RBBP5: variants seen among roughly 807,000 people sequenced by gnomAD.
RBBP5 encodes retinoblastoma-binding protein 5.
RBBP5 carries 5 observed loss-of-function variants against 72.2 expected under a neutral mutation model. That is an observed-to-expected ratio of 0.07 (90% confidence interval 0.04 to 0.15). The LOEUF is 0.15. Among genes scored for constraint, RBBP5 ranks in the 10% least tolerant of loss-of-function variants. The pLI is 1.00. For missense variants in RBBP5, 322 were observed against 652.2 expected (o/e 0.49, Z 5.51); for synonymous variants, 209 against 237.2 (o/e 0.88, Z 1.09).
chr1:205,121,004 G>A (rs576755885), intron 1 of RBBP5, among the ~76,000 whole-genome samples: 1 of 152,250 alleles, frequency 6.6e-6, no homozygotes, highest in East Asian at 1.9e-4. Flanking sequence ...AGCTCTTTAA[G>A]GGCAAAGACC....
chr1:205,102,187 C>T (rs541778736), intron 5 of RBBP5, among the ~76,000 whole-genome samples: 21 of 152,286 alleles, frequency 1.4e-4, no homozygotes, highest in African/African-American at 3.1e-4. Flanking sequence ...TTCACCACCA[C>T]GCCTGGCCAA....
intron 3 of RBBP5, among the ~76,000 whole-genome samples, chr1:205,107,359 T>G (rs1282231497): frequency 6.6e-6 from 1 of 151,534 alleles, no homozygotes; most frequent in East Asian, 1.9e-4. Flanking sequence ...TGAAAAAATC[T>G]TGAAAGCTGC....
At chr1:205,091,588 A>G (rs1438458409) in intron 13 of RBBP5, 1 of 152,260 alleles carries the variant, frequency 6.6e-6, no homozygotes, top group Non-Finnish European at 1.5e-5. Context: ...TTCCCTTGAA[A>G]TGCATACTCT....
At position 205,090,062 on chromosome 1, in the gene RBBP5, C is replaced by T. The variant is rs181631213; in HGVS notation, c.1589-1247G>A. On this transcript the variant is annotated intron_variant, in intron 13 of 13. Transcript: ENST00000264515. ...AGAGACGGGGTTTCACCATGTTGGCCAGACTGGGCTTGAACTCCTGTCCTC... is the reference window on the plus strand; with the variant it reads ...AGAGACGGGGTTTCACCATGTTGGCTAGACTGGGCTTGAACTCCTGTCCTC... 1.1e-3 allele frequency among the ~76,000 whole-genome samples: 165 copies of T among 152,234 alleles called. 1 individual carries two copies. Among genetic ancestry groups the T allele is most frequent in the African/African-American group, 3.7e-3 (155 of 41,538 alleles).
chr1:205,111,281 G>C (rs1656305449), intron 3 of RBBP5, among the ~76,000 whole-genome samples: 1 of 152,124 alleles, frequency 6.6e-6, no homozygotes, highest in Non-Finnish European at 1.5e-5. Context: ...CCATTCATCC[G>C]ACAAGTATCT....
intron 3 of RBBP5, among the ~76,000 whole-genome samples, chr1:205,113,790 T>C (rs1171908673): frequency 6.6e-6 from 1 of 151,744 alleles, no homozygotes; most frequent in Non-Finnish European, 1.5e-5. Context: ...GTTCAAGCGA[T>C]TCTCCTGCCT....
chr1:205,100,107 C>A (rs777576535), intron 7 of RBBP5, 43 bp from the exon 8 acceptor site: 7 of 1,613,536 alleles, frequency 4.3e-6, no homozygotes, highest in Non-Finnish European at 5.9e-6. Flanking sequence ...GAACTCAAGC[C>A]CAGGTCATGA....
At chr1:205,093,862 C>T (rs1163320674) in intron 13 of RBBP5, among the ~76,000 whole-genome samples, 2 of 152,190 alleles carry the variant, frequency 1.3e-5, no homozygotes, top group Middle Eastern at 3.4e-3. Context: ...CTCTAGTCCA[C>T]ACATTTAGAT....
At chr1:205,115,023 TAA>T in intron 2 of RBBP5, 62 bp from the exon 3 acceptor site, 2 of 1,410,296 alleles carry the variant, frequency 1.4e-6, no homozygotes, top group Non-Finnish European at 9.7e-7. Flanking sequence ...AATTATTTCC[TAA>T]AGGTTCTTTA....
chr1:205,116,643 G>A (rs761593525), intron 1 of RBBP5, among the ~76,000 whole-genome samples: 13 of 152,108 alleles, frequency 8.5e-5, no homozygotes, highest in Admixed American at 3.3e-4. Flanking sequence ...GTGAAACCCC[G>A]TCTCTACTAA....
chr1:205,093,693 G>A (rs1248429667), intron 13 of RBBP5, among the ~76,000 whole-genome samples: 3 of 150,490 alleles, frequency 2.0e-5, no homozygotes, highest in South Asian at 4.2e-4. Context: ...GTATGGTGTT[G>A]GGCTATCAAA....
intron 3 of RBBP5, among the ~76,000 whole-genome samples, chr1:205,107,273 G>T (rs553887606): frequency 3.7e-4 from 56 of 152,144 alleles, no homozygotes; most frequent in African/African-American, 1.2e-3. Flanking sequence ...AAAACCTACA[G>T]ATTCAAGAAC....
At chr1:205,104,431 G>C (rs1057367309) in intron 4 of RBBP5, among the ~76,000 whole-genome samples, 5 of 152,174 alleles carry the variant, frequency 3.3e-5, no homozygotes, top group African/African-American at 1.2e-4. Flanking sequence ...GCCGAGGCAA[G>C]AGAATCGCTT....
chr1:205,100,828 G>C (rs1655789590), intron 6 of RBBP5, among the ~76,000 whole-genome samples: 1 of 152,172 alleles, frequency 6.6e-6, no homozygotes, highest in Non-Finnish European at 1.5e-5. Context: ...TGGTTTTGTG[G>C]AAGACAATTT....
intron 13 of RBBP5, among the ~76,000 whole-genome samples, chr1:205,093,735 G>A (rs1196072766): frequency 6.6e-6 from 1 of 151,126 alleles, no homozygotes; most frequent in African/African-American, 2.4e-5. Flanking sequence ...AACTCGAGAT[G>A]GAATACTCAA....
intron 3 of RBBP5, among the ~76,000 whole-genome samples, chr1:205,110,843 C>G (rs1656282812): frequency 6.6e-6 from 1 of 152,174 alleles, no homozygotes; most frequent in South Asian, 2.1e-4. Flanking sequence ...GCAGGCAGAT[C>G]ACCTGAGGTC....
chr1:205,087,952 C>G lies in RBBP5; in HGVS notation c.*835G>C, dbSNP rs1193144902. ...ACTTTACTCCTTGCATAGATTCCCC[C>G]ACCCCAGTAAAAAAGTAGCTTGTTG... On this transcript the variant is annotated 3_prime_UTR_variant, in exon 14 of 14. Coordinates refer to ENST00000264515, the MANE Select transcript of RBBP5 (RefSeq NM_005057.4). 2.0e-5 allele frequency: 3 copies of G among 152,580 alleles called. No individual in the cohort carries two copies. Among genetic ancestry groups the G allele is most frequent in the Non-Finnish European group, 4.4e-5 (3 of 68,048 alleles). The allele number at this position is 152,580 out of a possible 1,614,324, so 9.5% of individuals were successfully genotyped here. A position where few individuals can be genotyped will look rare whatever the true frequency, so the allele number is the denominator to read the frequency against.
At chr1:205,094,465 T>C (rs950424159) in intron 13 of RBBP5, among the ~76,000 whole-genome samples, 2 of 152,210 alleles carry the variant, frequency 1.3e-5, no homozygotes, top group African/African-American at 4.8e-5. Flanking sequence ...TCTGGCTACT[T>C]GTCTGGCTCT....
Position 205,099,864 on chromosome 1 carries a change from T to C in RBBP5, c.906+47A>G. 1 of 1,613,424 alleles carries C rather than the reference T, an allele frequency of 6.2e-7. No homozygotes were observed. The stretch of plus-strand genomic sequence containing the variant: ...CAGGTTGTTAAGAACAGATTTTAGA[T>C]TTTTTGGATTATGTGACTAACAAAA... On this transcript the variant is annotated intron_variant, in intron 8 of 13. Coordinates refer to ENST00000264515, the MANE Select transcript of RBBP5 (RefSeq NM_005057.4). This position sits in a 1 kb window ranked among gnomAD's most constrained non-coding sequence, Gnocchi z 4.7.
Sources: allele counts gnomAD v4.1 joint callset (sites outside exome capture counted in the v4.1 genomes callset), GRCh38; gene constraint gnomAD v4.1.1; non-coding constraint Gnocchi (gnomAD v3.1); transcripts MANE v1.5; gene names NCBI Gene and HGNC (gene_info 2026-07-23, HGNC 2026-07-21).